The following SDCCAG8 variants were observed in gnomAD, a reference collection of about 807,000 sequenced individuals.
The protein encoded by SDCCAG8 is serologically defined colon cancer antigen 8.
A neutral mutation model predicts 101.8 loss-of-function variants in SDCCAG8; 74 were observed. That is an observed-to-expected ratio of 0.73 (90% confidence interval 0.60 to 0.88). SDCCAG8 has a LOEUF of 0.88. SDCCAG8 is among the 40% of genes least tolerant of loss of function. The pLI, the probability that SDCCAG8 is intolerant of heterozygous loss-of-function variation, is 0.00. For missense variants in SDCCAG8, 787 were observed against 822.6 expected (o/e 0.96, Z 0.53); for synonymous variants, 281 against 292.9 (o/e 0.96, Z 0.41).
intron 16 of SDCCAG8, among the ~76,000 whole-genome samples, chr1:243,455,194 G>A (rs994822302): frequency 6.6e-6 from 1 of 152,142 alleles, no homozygotes. Flanking sequence ...AGGGAATTTT[G>A]AAGTTTTATT....
At chr1:243,489,538 A>G (rs564488932) in intron 17 of SDCCAG8, among the ~76,000 whole-genome samples, 1 of 152,324 alleles carries the variant, frequency 6.6e-6, no homozygotes, top group African/African-American at 2.4e-5. Flanking sequence ...GGTTGAGGAA[A>G]GAGGTGTTCC....
At chr1:243,316,587 C>T (rs1331277091) in intron 8 of SDCCAG8, among the ~76,000 whole-genome samples, 168 bp from the exon 9 acceptor site, 3 of 152,326 alleles carry the variant, frequency 2.0e-5, no homozygotes, top group East Asian at 1.9e-4. Context: ...GCCCGCCGCT[C>T]GCCAAGTGAG....
chr1:243,494,573 C>T (rs1416088107), intron 17 of SDCCAG8, among the ~76,000 whole-genome samples: 1 of 152,146 alleles, frequency 6.6e-6, no homozygotes. Flanking sequence ...TGACTGAGCG[C>T]CCCGTGTATA....
chr1:243,384,722 C>G (rs73118371), intron 13 of SDCCAG8, among the ~76,000 whole-genome samples: 10,104 of 151,900 alleles, frequency 0.067, 1,137 homozygotes, highest in African/African-American at 0.23. Context: ...GTAGGAGGGT[C>G]GCTTGAGCCC....
intron 13 of SDCCAG8, among the ~76,000 whole-genome samples, chr1:243,399,167 T>G (rs1398198318): frequency 6.6e-6 from 1 of 152,210 alleles, no homozygotes; most frequent in Non-Finnish European, 1.5e-5. Flanking sequence ...ACTTATAATG[T>G]GTGAGAATGT....
chr1:243,401,042 A>G (rs545704778), intron 13 of SDCCAG8, among the ~76,000 whole-genome samples: 1 of 152,310 alleles, frequency 6.6e-6, no homozygotes, highest in South Asian at 2.1e-4. Flanking sequence ...TTCTGTAAAT[A>G]CACTTGGAGG....
At chr1:243,460,393 C>T (rs1658833791) in intron 16 of SDCCAG8, among the ~76,000 whole-genome samples, 2 of 152,182 alleles carry the variant, frequency 1.3e-5, no homozygotes, top group South Asian at 2.1e-4. Context: ...TGAGGCGACC[C>T]GCAGGAATGG....
chr1:243,432,306 A>G (rs953180447), intron 16 of SDCCAG8, among the ~76,000 whole-genome samples: 5 of 152,158 alleles, frequency 3.3e-5, no homozygotes, highest in African/African-American at 9.7e-5. Flanking sequence ...GTATGTTCTC[A>G]TTGTAAGTGG....
intron 16 of SDCCAG8, among the ~76,000 whole-genome samples, chr1:243,434,338 G>A (rs564379840): frequency 3.3e-5 from 5 of 152,316 alleles, no homozygotes; most frequent in Non-Finnish European, 5.9e-5. Context: ...TTTGCTCCTT[G>A]CAAATGTTTG....
At chr1:243,462,833 T>G (rs1659395383) in intron 16 of SDCCAG8, among the ~76,000 whole-genome samples, 1 of 151,770 alleles carries the variant, frequency 6.6e-6, no homozygotes, top group Non-Finnish European at 1.5e-5. Flanking sequence ...ATTTGCCTTC[T>G]CTCATCTTTT....
Position 243,256,205 on chromosome 1 carries a change from A to T in SDCCAG8, c.32A>T (p.Glu11Val), listed in dbSNP as rs1174426189. The part of the protein sequence containing the change: MAKSPENSTL[E>V]EILGQYQRSL... ...AAGTCCCCGGAGAACTCTACCCTGG[A>T]GGAGATTCTGGGGCAGTATCAACGG... Residue 11 changes from glutamate to valine, a missense_variant, in exon 1 of 18, where the codon GAG becomes GTG. Glu to Val is a moderately radical substitution (Grantham distance 121). Coordinates refer to ENST00000366541, the MANE Select transcript of SDCCAG8 (RefSeq NM_006642.5). 1 of 1,614,158 alleles carries T rather than the reference A, an allele frequency of 6.2e-7. No homozygotes were observed. The highest frequency in any genetic ancestry group is 8.5e-7 in the Non-Finnish European group (1 of 1,179,994).
chr1:243,470,141 C>T (rs1660939897), intron 16 of SDCCAG8, among the ~76,000 whole-genome samples: 1 of 152,178 alleles, frequency 6.6e-6, no homozygotes, highest in Non-Finnish European at 1.5e-5. Flanking sequence ...CGCCTTTCAC[C>T]TGACTGAGAT....
At position 243,297,544 on chromosome 1, in the gene SDCCAG8, G is replaced by A. The variant is rs539531631; in HGVS notation, c.675+4325G>A. Among the ~76,000 whole-genome samples the A allele has an allele frequency of 1.5e-4, 23 of 152,278 alleles. 1 individual carries two copies. In the South Asian group the frequency reaches 4.1e-3, roughly 27 times the overall value. On this transcript the variant is annotated intron_variant, in intron 6 of 17. Transcript: ENST00000366541. ...GTTTACACTCCTACCCATACAAGGG[G>A]TTTTATCAGTTTACACTCCTACCAG... is the stretch of plus-strand genomic sequence containing the variant.
chr1:243,492,466 T>G (rs921011815), intron 17 of SDCCAG8, among the ~76,000 whole-genome samples: 1 of 151,434 alleles, frequency 6.6e-6, no homozygotes, highest in Non-Finnish European at 1.5e-5. Flanking sequence ...CACACCTAGC[T>G]AATTTTTTTG....
chr1:243,355,324 C>G (rs1431688047), intron 12 of SDCCAG8, among the ~76,000 whole-genome samples: 1 of 151,958 alleles, frequency 6.6e-6, no homozygotes, highest in Admixed American at 6.6e-5. Context: ...TTCTCTCTCT[C>G]TCTCTCTCTC....
At chr1:243,438,667 T>C (rs2082317564) in intron 16 of SDCCAG8, among the ~76,000 whole-genome samples, 1 of 152,148 alleles carries the variant, frequency 6.6e-6, no homozygotes, top group Non-Finnish European at 1.5e-5. Flanking sequence ...TTCTGAGCAC[T>C]CTGAGAGGGG....
chr1:243,270,778 C>T (rs143373484), intron 2 of SDCCAG8, among the ~76,000 whole-genome samples, 200 bp from the exon 3 acceptor site: 1 of 152,044 alleles, frequency 6.6e-6, no homozygotes, highest in East Asian at 1.9e-4. Context: ...ATTAGTGTCT[C>T]TCTCTTCCTT....
chr1:243,373,731 CCCA>C (rs766975496), intron 12 of SDCCAG8, among the ~76,000 whole-genome samples: 1 of 152,026 alleles, frequency 6.6e-6, no homozygotes, highest in Non-Finnish European at 1.5e-5. Flanking sequence ...TATGGCTAAG[CCCA>C]AAGTCCCTGG....
Position 243,499,822 on chromosome 1 carries a change from G to C in SDCCAG8, c.*37G>C. 3 of 1,600,332 alleles carry C rather than the reference G, an allele frequency of 1.9e-6. No homozygotes were observed. The highest frequency in any genetic ancestry group is 2.6e-6 in the Non-Finnish European group (3 of 1,168,612). Reference sequence around the variant, plus strand: ...CAGAGTGAAATAAATGATTTACAAAGAGATATTTACATTCATCTGGTTTAG... The same window carrying C: ...CAGAGTGAAATAAATGATTTACAAACAGATATTTACATTCATCTGGTTTAG... On this transcript the variant is annotated 3_prime_UTR_variant, in exon 18 of 18. Transcript: ENST00000366541.
Sources: allele counts gnomAD v4.1 joint callset (sites outside exome capture counted in the v4.1 genomes callset), GRCh38; gene constraint gnomAD v4.1.1; transcripts MANE v1.5; gene names NCBI Gene and HGNC (gene_info 2026-07-23, HGNC 2026-07-21).